The following CWF19L2 variants were observed in gnomAD, a reference collection of about 807,000 sequenced individuals.
The protein encoded by CWF19L2 is CWF19 like cell cycle control factor 2.
In CWF19L2, 98 loss-of-function variants were observed where a neutral mutation model predicts 111.7. The ratio of observed to expected loss-of-function variants is 0.88; its 90% CI spans 0.75 to 1.04. The LOEUF (loss-of-function observed/expected upper bound fraction) is 1.04. CWF19L2 is among the 50% of genes least tolerant of loss of function. The pLI, the probability that CWF19L2 is intolerant of heterozygous loss-of-function variation, is 0.00. For missense variants in CWF19L2, 1,101 were observed against 1,051.4 expected (o/e 1.05, Z -0.65); for synonymous variants, 351 against 342.9 (o/e 1.02, Z -0.26).
At chr11:107,355,415 CA>C (rs5794543) in intron 12 of CWF19L2, among the ~76,000 whole-genome samples, 33,314 of 141,244 alleles carry the variant, frequency 0.24, 3,770 homozygotes, top group Non-Finnish European at 0.29. Context: ...AACTCCGTCT[CA>C]AAAAAAAAAA....
rs1053381771 is a variant in CWF19L2, at chr11:107,326,930, T to G, written c.2665A>C (p.Thr889Pro). ...FAQWWKPYDFTKSKNY is the reference protein window; with the variant it reads ...FAQWWKPYDFPKSKNY The stretch of plus-strand genomic sequence containing the variant: ...ACACCTCAATAGTTTTTACTTTTGG[T>G]GAAGTCATATGGTTTCCACCACTGA... The change falls in exon 18 of 18, where the codon ACC becomes CCC. Residue 889 changes from threonine (T) to proline (P), a missense_variant. Thr to Pro is a conservative substitution (Grantham distance 38, BLOSUM62 -1). Transcript: ENST00000282251. 2 of 1,599,654 alleles carry G rather than the reference T, an allele frequency of 1.3e-6. No homozygotes were observed. Among genetic ancestry groups the G allele is most frequent in the Non-Finnish European group, 1.7e-6 (2 of 1,175,036 alleles).
intron 10 of CWF19L2, among the ~76,000 whole-genome samples, chr11:107,402,915 T>G (rs1591185070): frequency 9.5e-6 from 1 of 104,952 alleles, no homozygotes; most frequent in African/African-American, 3.9e-5. Flanking sequence ...TGGAATACTA[T>G]GCAGCCATAA....
chr11:107,327,917 A>C (rs1271986889), intron 17 of CWF19L2, among the ~76,000 whole-genome samples: 1 of 152,138 alleles, frequency 6.6e-6, no homozygotes, highest in Non-Finnish European at 1.5e-5. Context: ...CAAACCACAT[A>C]ATCTTTCAGA....
chr11:107,440,409 T>G (rs1366493177), intron 5 of CWF19L2, among the ~76,000 whole-genome samples: 5 of 152,216 alleles, frequency 3.3e-5, no homozygotes, highest in African/African-American at 7.2e-5. Context: ...GGACAAAATT[T>G]AAGTTAAAGT....
intron 10 of CWF19L2, among the ~76,000 whole-genome samples, chr11:107,398,203 G>C (rs1025799823): frequency 2.6e-5 from 4 of 151,970 alleles, no homozygotes; most frequent in Admixed American, 2.6e-4. Context: ...ACCTGAAAAA[G>C]AATTCAGGAA....
intron 6 of CWF19L2, among the ~76,000 whole-genome samples, chr11:107,435,893 C>T (rs1432666597): frequency 6.6e-6 from 1 of 151,962 alleles, no homozygotes; most frequent in Non-Finnish European, 1.5e-5. Context: ...CAGCGGCTCA[C>T]GCCTGTAATC....
intron 7 of CWF19L2, among the ~76,000 whole-genome samples, chr11:107,430,700 G>T (rs1405286365): frequency 6.6e-6 from 1 of 152,084 alleles, no homozygotes; most frequent in Non-Finnish European, 1.5e-5. Context: ...CAGAAAGTAG[G>T]AAGGTGGTTA....
chr11:107,429,463 A>G lies in CWF19L2; in HGVS notation c.781-12T>C, dbSNP rs1861432930. On this transcript the variant is annotated splice_polypyrimidine_tract_variant and intron_variant, in intron 7 of 17. Transcript: ENST00000282251. ...AATATTTCCATTGACTACAAAGGAGAAAAATTAAACAAGATATCTAAAATT... is the reference window on the plus strand; with the variant it reads ...AATATTTCCATTGACTACAAAGGAGGAAAATTAAACAAGATATCTAAAATT... The G allele has an allele frequency of 1.3e-6, 2 of 1,518,682 alleles. No individual in the cohort carries two copies. Among genetic ancestry groups the G allele is most frequent in the Admixed American group, 4.6e-5 (2 of 43,802 alleles). 94.1% of individuals were successfully genotyped at this position (1,518,682 alleles called of 1,614,324 possible).
chr11:107,410,965 T>C (rs1861147615), intron 10 of CWF19L2, among the ~76,000 whole-genome samples: 1 of 151,984 alleles, frequency 6.6e-6, no homozygotes, highest in Non-Finnish European at 1.5e-5. Flanking sequence ...AGTCAAAAAA[T>C]GAGAAGAAAA....
chr11:107,453,100 AAAATATTTAAT>A (rs1361090427), intron 3 of CWF19L2, among the ~76,000 whole-genome samples: 1 of 152,244 alleles, frequency 6.6e-6, no homozygotes, highest in Admixed American at 6.5e-5. Flanking sequence ...AACAAAAAAG[AAAATATTTAAT>A]AAATCAGATT....
At position 107,353,526 on chromosome 11, in the gene CWF19L2, T is replaced by G; in HGVS notation, c.2083A>C (p.Lys695Gln). 1 of 1,611,322 alleles carries G rather than the reference T, an allele frequency of 6.2e-7. No individual in the cohort carries two copies. Among genetic ancestry groups the G allele is most frequent in the Non-Finnish European group, 8.5e-7 (1 of 1,177,682 alleles). The change falls in exon 13 of 18, where the codon AAG becomes CAG. Residue 695 changes from lysine (K) to glutamine (Q), a missense_variant and splice_region_variant. By Grantham distance (53) the Lys-to-Gln change is moderately conservative. Transcript: ENST00000282251. The stretch of plus-strand genomic sequence containing the variant: ...AAAGGATAATAAATACTTCTTACCT[T>G]AACACCTATTGCAACAATAAGATGC... ...PKHLIVAIGV[K>Q]VYLCLPNVRS...
intron 6 of CWF19L2, among the ~76,000 whole-genome samples, chr11:107,435,323 T>A (rs958942862): frequency 8.1e-5 from 12 of 147,268 alleles, no homozygotes; most frequent in African/African-American, 3.0e-4. Flanking sequence ...TTGAGGAAGT[T>A]AGTCTAAATC....
chr11:107,402,869 G>GTATATATATATATATA lies in CWF19L2; in HGVS notation c.1618-9975_1618-9974insTATATATATATATATA, dbSNP rs1491324734. Among the ~76,000 whole-genome samples the GTATATATATATATATA allele has an allele frequency of 1.4e-4, 3 of 22,020 alleles. 1 individual carries two copies. Among genetic ancestry groups the GTATATATATATATATA allele is most frequent in the Non-Finnish European group, 2.2e-4 (3 of 13,700 alleles). 14.4% of individuals were successfully genotyped at this position (22,020 alleles called of 152,430 possible). On this transcript the variant is annotated intron_variant, in intron 10 of 17. Coordinates refer to ENST00000282251, the MANE Select transcript of CWF19L2 (RefSeq NM_152434.3). ...TCAACGAGTGGATAAACAAACTGTG[G>GTATATATATATATATA]TGTGTATATATATATATATATATAT...
chr11:107,448,605 G>A (rs1861734838), intron 3 of CWF19L2, among the ~76,000 whole-genome samples: 1 of 152,088 alleles, frequency 6.6e-6, no homozygotes. Context: ...TGAACCTAAG[G>A]CAGATGCTAC....
chr11:107,337,383 G>A (rs865908453), intron 14 of CWF19L2, among the ~76,000 whole-genome samples: 1 of 147,378 alleles, frequency 6.8e-6, no homozygotes, highest in Non-Finnish European at 1.5e-5. Flanking sequence ...GTGTGTGTGT[G>A]TGTGTGTGTG....
At chr11:107,416,676 A>G (rs919936616) in intron 9 of CWF19L2, among the ~76,000 whole-genome samples, 2 of 152,174 alleles carry the variant, frequency 1.3e-5, no homozygotes, top group Non-Finnish European at 2.9e-5. Flanking sequence ...TACCTTCTTT[A>G]TTGTTGATAA....
chr11:107,327,602 T>A (rs1383527570), intron 17 of CWF19L2, among the ~76,000 whole-genome samples: 4 of 152,202 alleles, frequency 2.6e-5, no homozygotes, highest in Non-Finnish European at 5.9e-5. Context: ...ATCACTTTCA[T>A]TTAAAAAATC....
chr11:107,457,802 C>T lies in CWF19L2; in HGVS notation c.15G>A (p.Met5Ile). 1.3e-6 allele frequency: 2 copies of T among 1,551,724 alleles called. No homozygotes were observed. Among genetic ancestry groups the T allele is most frequent in the Non-Finnish European group, 1.7e-6 (2 of 1,146,890 alleles). MATS[M>I]AAASGRFESA... The stretch of plus-strand genomic sequence containing the variant: ...TTTCAAATCTACCACTAGCAGCCGC[C>T]ATACTTGTTGCCATCGTAAAGCTAA... The change falls in exon 1 of 18, where the codon ATG becomes ATA. Residue 5 changes from methionine to isoleucine, a missense_variant. By Grantham distance (10) the Met-to-Ile change is conservative. Transcript: ENST00000282251.
At chr11:107,365,201 G>T (rs1379594387) in intron 12 of CWF19L2, among the ~76,000 whole-genome samples, 1 of 149,322 alleles carries the variant, frequency 6.7e-6, no homozygotes, top group Non-Finnish European at 1.5e-5. Context: ...CAATGAAAAA[G>T]AGTCCAGGAC....
Sources: allele counts gnomAD v4.1 joint callset (sites outside exome capture counted in the v4.1 genomes callset), GRCh38; gene constraint gnomAD v4.1.1; transcripts MANE v1.5; gene names NCBI Gene and HGNC (gene_info 2026-07-23, HGNC 2026-07-21).